Variants in HACD3 observed in about 807,000 individuals in gnomAD.
HACD3 encodes the protein very-long-chain (3R)-3-hydroxyacyl-CoA dehydratase 3.
Under a neutral mutation model 55.2 loss-of-function variants are expected in HACD3, and 30 were observed. That is an observed-to-expected ratio of 0.54 (90% CI 0.41 to 0.74). The LOEUF is 0.74. Ranked by LOEUF, HACD3 falls within the 30% of genes least tolerant of loss-of-function variation. The pLI is 0.00. For missense variants in HACD3, 363 were observed against 440.1 expected, an observed-to-expected ratio of 0.82 and a Z score of 1.57; for synonymous variants, 141 against 151.7, an observed-to-expected ratio of 0.93 and a Z score of 0.52.
In HACD3 at chr15:65,546,088, A is replaced by G. The variant is rs1162129478; in HGVS notation, c.88-5588A>G. The stretch of plus-strand genomic sequence containing the variant: ...AACTACCAAATGACAACCAGCAACA[A>G]TTATGAGCTAAGTGAGCGACCCGTC... On this transcript the variant is annotated intron_variant, in intron 1 of 10. Transcript: ENST00000261875. Among the ~76,000 whole-genome samples, 4 of 152,384 alleles carry G rather than the reference A, an allele frequency of 2.6e-5. No individual in the cohort carries two copies. In the East Asian group the frequency reaches 5.8e-4, roughly 22 times the overall value.
rs1168448166 is a variant in HACD3, at chr15:65,570,963, A to C, written c.774-585A>C. On this transcript the variant is annotated intron_variant, in intron 8 of 10. Transcript: ENST00000261875. ...AAAGGTAAAACAGATTATAGGTCCT[A>C]TGTTTTTCAAATCAGACACGTAATG... 1.3e-5 allele frequency among the ~76,000 whole-genome samples: 2 copies of C among 152,190 alleles called. 1 individual carries two copies. Among genetic ancestry groups the C allele is most frequent in the Admixed American group, 1.3e-4 (2 of 15,274 alleles).
intron 7 of HACD3, 166 bp downstream of exon 7, chr15:65,564,508 A>G (rs1039958767): frequency 4.6e-6 from 4 of 874,876 alleles, no homozygotes; most frequent in Non-Finnish European, 6.6e-6. Flanking sequence ...GTGGCTGGGA[A>G]GGTCTCACGA....
At chr15:65,574,660 T>A (rs189146385) in intron 10 of HACD3, 70 of 152,354 alleles carry the variant, frequency 4.6e-4, no homozygotes, top group South Asian at 8.3e-4. Context: ...GCCTGGCAGA[T>A]GTACAGTTAA....
At chr15:65,564,189 C>T (rs1596216175) in intron 6 of HACD3, 26 bp from the exon 7 acceptor site, 1 of 1,608,022 alleles carries the variant, frequency 6.2e-7, no homozygotes, top group Non-Finnish European at 8.5e-7. Context: ...AACTGATTCA[C>T]CCTTAATGTA....
At chr15:65,554,841 C>T (rs1255669598) in intron 2 of HACD3, 46 bp from the exon 3 acceptor site, 5 of 1,433,540 alleles carry the variant, frequency 3.5e-6, no homozygotes, top group Middle Eastern at 3.5e-4. Context: ...TTTGGATGGC[C>T]TTGCTCTGCT....
At chr15:65,550,715 T>G (rs1329602124) in intron 1 of HACD3, 2 of 152,244 alleles carry the variant, frequency 1.3e-5, no homozygotes, top group Non-Finnish European at 2.9e-5. Flanking sequence ...GGAGGGGCTC[T>G]GTTGGGTTGT....
intron 1 of HACD3, among the ~76,000 whole-genome samples, chr15:65,535,154 T>C (rs2071942153): frequency 6.6e-6 from 1 of 152,072 alleles, no homozygotes. Context: ...GAAAAACTAC[T>C]AAAAAGAAAT....
intron 1 of HACD3, among the ~76,000 whole-genome samples, chr15:65,539,168 C>T (rs2071993570): frequency 6.8e-6 from 1 of 146,486 alleles, no homozygotes; most frequent in Non-Finnish European, 1.5e-5. Flanking sequence ...ATTGAAAAAG[C>T]CTGACATGAC....
At position 65,564,311 on chromosome 15, in the gene HACD3, C is replaced by T. The variant is rs757189861; in HGVS notation, c.629C>T (p.Thr210Ile). Residue 210 changes from threonine to isoleucine, a missense_variant, in exon 7 of 11, where the codon ACT becomes ATT. Transcript: ENST00000261875. ...ACTATCAATGCAGCAATTGGAGTCA[C>T]TACGTCACCGGTGCTGCCTTCTCTG... ...VETINAAIGV[T>I]TSPVLPSLIQ... 6.2e-7 allele frequency: 1 copy of T among 1,613,764 alleles called. No individual in the cohort carries two copies. The highest frequency in any genetic ancestry group is 8.5e-7 in the Non-Finnish European group (1 of 1,179,850).
intron 2 of HACD3, among the ~76,000 whole-genome samples, chr15:65,554,500 G>A (rs536089624): frequency 2.6e-5 from 4 of 152,316 alleles, no homozygotes; most frequent in South Asian, 4.1e-4. Context: ...TTCGTGCCAG[G>A]TACAGTGGCT....
At chr15:65,569,881 G>C (rs933352574) in intron 7 of HACD3, among the ~76,000 whole-genome samples, 1 of 152,152 alleles carries the variant, frequency 6.6e-6, no homozygotes, top group African/African-American at 2.4e-5. Context: ...AATGATTTAT[G>C]ATATAGTTAC....
In HACD3 at chr15:65,576,984, A is replaced by T. The variant is rs1205294930; in HGVS notation, c.*605A>T. 1 of 152,338 alleles carries T rather than the reference A, an allele frequency of 6.6e-6. No individual in the cohort carries two copies. The highest frequency in any genetic ancestry group is 2.4e-5 in the African/African-American group (1 of 41,470). 9.4% of individuals were successfully genotyped at this position (152,338 alleles called of 1,614,324 possible). A position where few individuals can be genotyped will look rare whatever the true frequency, so the allele number is the denominator to read the frequency against. ...AACAACATCTATTATTATAGTGCTCAGCAGTGTGGGCATTGAAGAGGCGCA... is the reference window on the plus strand; with the variant it reads ...AACAACATCTATTATTATAGTGCTCTGCAGTGTGGGCATTGAAGAGGCGCA... On this transcript the variant is annotated 3_prime_UTR_variant, in exon 11 of 11. Transcript: ENST00000261875.
At chr15:65,575,669 G>A (rs16948839) in intron 10 of HACD3, among the ~76,000 whole-genome samples, 30,990 of 152,052 alleles carry the variant, frequency 0.2, 3,500 homozygotes, top group African/African-American at 0.29. Flanking sequence ...AAAATGAGAT[G>A]GCTGGAGGGA....
intron 4 of HACD3, among the ~76,000 whole-genome samples, chr15:65,558,078 T>C (rs978932239): frequency 6.6e-5 from 10 of 152,128 alleles, no homozygotes; most frequent in Non-Finnish European, 1.0e-4. Flanking sequence ...TGGAATAGCA[T>C]TGGAAACCAA....
At chr15:65,537,059 A>G (rs902249790) in intron 1 of HACD3, among the ~76,000 whole-genome samples, 4 of 152,232 alleles carry the variant, frequency 2.6e-5, no homozygotes, top group Non-Finnish European at 4.4e-5. Flanking sequence ...CAGCCACGAC[A>G]TTCTCTTAAG....
At chr15:65,545,947 T>C (rs1356505151) in intron 1 of HACD3, among the ~76,000 whole-genome samples, 4 of 152,272 alleles carry the variant, frequency 2.6e-5, no homozygotes, top group Non-Finnish European at 5.9e-5. Flanking sequence ...CAGCTTCCGC[T>C]TCTTCTCTCT....
chr15:65,574,363 G>A (rs1253825097), intron 10 of HACD3: 2 of 152,218 alleles, frequency 1.3e-5, no homozygotes, highest in African/African-American at 4.8e-5. Context: ...TTCCCCCAAA[G>A]CAATTGGTTA....
chr15:65,538,946 A>C (rs1207428766), intron 1 of HACD3, among the ~76,000 whole-genome samples: 1 of 152,236 alleles, frequency 6.6e-6, no homozygotes, highest in Non-Finnish European at 1.5e-5. Context: ...AGGTATGTAC[A>C]CTGTTTTTTA....
intron 10 of HACD3, among the ~76,000 whole-genome samples, chr15:65,572,801 G>C (rs1260028364): frequency 6.6e-6 from 1 of 151,630 alleles, no homozygotes; most frequent in Non-Finnish European, 1.5e-5. Flanking sequence ...TGTAATCTCA[G>C]CTACTCAGGA....
Sources: gnomAD v4.1 joint callset for allele counts (sites outside exome capture counted in the v4.1 genomes callset) on GRCh38, gnomAD v4.1.1 for gene constraint, MANE v1.5 for transcripts, NCBI Gene and HGNC (gene_info 2026-07-23, HGNC 2026-07-21) for gene names.